DHX57: variants seen among roughly 807,000 people sequenced by gnomAD.
DHX57 encodes the protein DExH-box helicase 57, also known as putative ATP-dependent RNA helicase DHX57.
Under a neutral mutation model 156.2 loss-of-function variants are expected in DHX57, and 105 were observed. The observed-to-expected ratio is 0.67, with a 90% CI of 0.57 to 0.79. The LOEUF (loss-of-function observed/expected upper bound fraction) is 0.79, where lower values mean the gene tolerates loss of function less well. DHX57 is among the 30% of genes least tolerant of loss of function. The probability of loss-of-function intolerance (pLI) is 0.00; values close to 1 mark genes in which losing one functional copy is unlikely to be tolerated. For missense variants in DHX57, 1,847 were observed against 1,661.9 expected, an observed-to-expected ratio of 1.11 and a Z score of -1.94; for synonymous variants, 704 against 595.6, an observed-to-expected ratio of 1.18 and a Z score of -2.65.
chr2:38,850,099 T>A (rs1291076863), intron 9 of DHX57, among the ~76,000 whole-genome samples: 1 of 152,164 alleles, frequency 6.6e-6, no homozygotes, highest in African/African-American at 2.4e-5. Flanking sequence ...GAATATTCAT[T>A]GACTTACTAA....
chr2:38,829,466 T>G (rs184490545), intron 13 of DHX57, among the ~76,000 whole-genome samples: 170 of 151,536 alleles, frequency 1.1e-3, no homozygotes, highest in African/African-American at 3.8e-3. Context: ...AGAGACAGGT[T>G]TCACCATGTT....
intron 21 of DHX57, among the ~76,000 whole-genome samples, chr2:38,808,951 T>C (rs1376991789): frequency 6.6e-6 from 1 of 151,812 alleles, no homozygotes; most frequent in East Asian, 1.9e-4. Context: ...ATAGGGTCTC[T>C]CTGTGTTGCC....
chr2:38,837,996 T>A, intron 12 of DHX57, 49 bp from the exon 13 acceptor site: 1 of 1,165,168 alleles, frequency 8.6e-7, no homozygotes, highest in East Asian at 2.3e-5. Flanking sequence ...ACCTTGTTGA[T>A]GTATTTTATT....
At chr2:38,865,445 T>C (rs1191051326) in intron 2 of DHX57, among the ~76,000 whole-genome samples, 1 of 152,210 alleles carries the variant, frequency 6.6e-6, no homozygotes, top group African/African-American at 2.4e-5. Flanking sequence ...GATTGTAAGT[T>C]TCCTGAGGCC....
intron 10 of DHX57, 98 bp downstream of exon 10, chr2:38,848,171 T>C (rs1464552353): frequency 1.6e-5 from 20 of 1,226,754 alleles, no homozygotes; most frequent in Non-Finnish European, 2.2e-5. Flanking sequence ...GAATCGCTTC[T>C]CTAGAAAGAG....
At chr2:38,869,534 G>C (rs1312339286) in intron 1 of DHX57, among the ~76,000 whole-genome samples, 2 of 152,186 alleles carry the variant, frequency 1.3e-5, no homozygotes, top group African/African-American at 4.8e-5. Context: ...GTTTGTAAAG[G>C]AATTTACTCT....
chr2:38,810,584 G>A (rs1173542312), intron 21 of DHX57: 10 of 593,036 alleles, frequency 1.7e-5, no homozygotes, highest in Non-Finnish European at 1.3e-5. Flanking sequence ...GACAGTGGGG[G>A]CTCCTGGCAG....
At chr2:38,824,788 C>T (rs1671009595) in intron 16 of DHX57, among the ~76,000 whole-genome samples, 2 of 152,176 alleles carry the variant, frequency 1.3e-5, no homozygotes, top group African/African-American at 2.4e-5. Flanking sequence ...ACTGGGATTA[C>T]AGGCGTGCGC....
At chr2:38,856,105 T>A (rs1232062790) in intron 7 of DHX57, among the ~76,000 whole-genome samples, 5 of 152,200 alleles carry the variant, frequency 3.3e-5, no homozygotes, top group African/African-American at 4.8e-5. Flanking sequence ...GAAATCAGAA[T>A]AAATTCAGAA....
In DHX57 at chr2:38,814,728, G is replaced by GTT. The variant is rs35597361; in HGVS notation, c.3606+791_3606+792dup. On this transcript the variant is annotated intron_variant, in intron 20 of 23. Transcript: ENST00000457308. ...ACAGCAACAATGAGCAGAAAACCCT[G>GTT]TTTTTTTTTTTGAGACAGAGTTTCG... Among the ~76,000 whole-genome samples, 598 of 149,336 alleles carry GTT rather than the reference G, an allele frequency of 4.0e-3. 4 individuals are homozygous for GTT. Among genetic ancestry groups the GTT allele is most frequent in the Admixed American group, 6.4e-3 (96 of 15,002 alleles).
chr2:38,850,411 C>T (rs1417128648), intron 9 of DHX57, among the ~76,000 whole-genome samples: 1 of 152,052 alleles, frequency 6.6e-6, no homozygotes, highest in Non-Finnish European at 1.5e-5. Flanking sequence ...TCCTGAGTAG[C>T]TGGGGCTAAT....
In DHX57 at chr2:38,826,620, A is replaced by G. The variant is rs1671098969; in HGVS notation, c.2709T>C (p.Pro903=). ...AAATTATAATCTTAGTTACTCCTGC[A>G]GGAGGTTTTACAAACACAGCCTGCT... ...EEQQAVFVKP[P]AGVTKIIIST... The change falls in exon 15 of 24, where the codon CCT becomes CCC. Residue 903 remains proline, a synonymous_variant. Transcript: ENST00000457308. The G allele has an allele frequency of 6.2e-7, 1 of 1,614,170 alleles. No homozygotes were observed. Among genetic ancestry groups the G allele is most frequent in the Admixed American group, 1.7e-5 (1 of 60,022 alleles).
In DHX57 at chr2:38,797,891, G is replaced by A. The variant is rs563767400; in HGVS notation, c.*408C>T. 4.7e-5 allele frequency: 4 copies of A among 85,394 alleles called. No individual in the cohort carries two copies. Among genetic ancestry groups the A allele is most frequent in the South Asian group, 1.8e-3 (2 of 1,104 alleles). 5.3% of individuals were successfully genotyped at this position (85,394 alleles called of 1,614,324 possible). On this transcript the variant is annotated 3_prime_UTR_variant, in exon 24 of 24. Transcript: ENST00000457308. ...TGACTTCTCTCAGTCGAGCCTTGGCGACAGGAAAAGAAAAAAAAAAAAGGC... is the reference window on the plus strand; with the variant it reads ...TGACTTCTCTCAGTCGAGCCTTGGCAACAGGAAAAGAAAAAAAAAAAAGGC...
chr2:38,837,942 TA>T lies in DHX57; in HGVS notation c.2430del (p.Ser811AlafsTer16). 1 of 1,604,234 alleles carries T rather than the reference TA, an allele frequency of 6.2e-7. No homozygotes were observed. The highest frequency in any genetic ancestry group is 8.5e-7 in the Non-Finnish European group (1 of 1,171,208). ...GACATTGTTTTGATGACTGACTTGC[TA>T]ACCCCTGAAAGAAAGAAAGGTAAAA... ...FKQLLARYKG[V>X]SKSVIKTMSI... On this transcript the variant is annotated frameshift_variant, in exon 13 of 24. Transcript: ENST00000457308. LOFTEE classifies it high-confidence loss of function.
intron 21 of DHX57, among the ~76,000 whole-genome samples, chr2:38,808,685 T>C (rs1051829144): frequency 5.3e-5 from 8 of 152,220 alleles, no homozygotes; most frequent in Non-Finnish European, 7.3e-5. Flanking sequence ...GGTATAAACT[T>C]ATATTCCCAC....
At chr2:38,844,792 A>G (rs1376333094) in intron 11 of DHX57, among the ~76,000 whole-genome samples, 1 of 152,182 alleles carries the variant, frequency 6.6e-6, no homozygotes, top group Non-Finnish European at 1.5e-5. Context: ...TACAGATAGT[A>G]ATAGTATGGC....
chr2:38,857,872 T>C (rs557976211), intron 6 of DHX57, among the ~76,000 whole-genome samples: 1 of 152,310 alleles, frequency 6.6e-6, no homozygotes, highest in East Asian at 1.9e-4. Context: ...CTTCTCCTTT[T>C]ATATATTAAT....
chr2:38,850,100 G>A (rs1228576005), intron 9 of DHX57, among the ~76,000 whole-genome samples: 1 of 151,992 alleles, frequency 6.6e-6, no homozygotes, highest in East Asian at 1.9e-4. Context: ...AATATTCATT[G>A]ACTTACTAAA....
At chr2:38,872,830 T>C (rs1484352474) in intron 1 of DHX57, among the ~76,000 whole-genome samples, 1 of 152,010 alleles carries the variant, frequency 6.6e-6, no homozygotes, top group Admixed American at 6.6e-5. Context: ...AGACAGAGGA[T>C]CAACAAGGAA....
Sources: allele counts gnomAD v4.1 joint callset (sites outside exome capture counted in the v4.1 genomes callset), GRCh38; gene constraint gnomAD v4.1.1; transcripts MANE v1.5; gene names NCBI Gene and HGNC (gene_info 2026-07-23, HGNC 2026-07-21).